Variants in SCML4 observed in about 807,000 individuals in gnomAD.
The protein encoded by SCML4 is Scm polycomb group protein like 4, also known as sex comb on midleg-like protein 4.
Under a neutral mutation model 41.1 loss-of-function variants are expected in SCML4, and 34 were observed. That is an observed-to-expected ratio of 0.83 (90% CI 0.63 to 1.10). The LOEUF is 1.10. Among genes scored for constraint, SCML4 ranks in the 50% least tolerant of loss-of-function variants. SCML4 has a pLI of 0.00. For missense variants in SCML4, 522 were observed against 534.1 expected, an observed-to-expected ratio of 0.98 and a Z score of 0.22; for synonymous variants, 214 against 220.9, an observed-to-expected ratio of 0.97 and a Z score of 0.28.
At chr6:107,813,715 G>A (rs1429710588) in intron 1 of SCML4, among the ~76,000 whole-genome samples, 1 of 152,150 alleles carries the variant, frequency 6.6e-6, no homozygotes, top group Non-Finnish European at 1.5e-5. Flanking sequence ...ATCAGTCGCT[G>A]CTTTAAAAAC....
upstream of SCML4, among the ~76,000 whole-genome samples, chr6:107,827,567 A>T (rs1289026830): frequency 6.6e-6 from 1 of 152,208 alleles, no homozygotes; most frequent in East Asian, 1.9e-4. Context: ...GTATTAGCTG[A>T]GGGACCTGCT....
intron 6 of SCML4, chr6:107,720,332 G>T (rs751876641): frequency 4.7e-5 from 45 of 957,808 alleles, no homozygotes; most frequent in Non-Finnish European, 5.4e-5. Context: ...GGGCATGAAG[G>T]CTGTAGAGGG....
At chr6:107,771,556 A>G (rs542648241) in intron 2 of SCML4, among the ~76,000 whole-genome samples, 1 of 152,322 alleles carries the variant, frequency 6.6e-6, no homozygotes, top group East Asian at 1.9e-4. Flanking sequence ...AATCACTGCT[A>G]ATTCTTATAA....
intron 2 of SCML4, among the ~76,000 whole-genome samples, chr6:107,767,140 T>C (rs986948895): frequency 1.3e-5 from 2 of 152,044 alleles, no homozygotes; most frequent in South Asian, 4.2e-4. Flanking sequence ...GTATTTTTAG[T>C]ACAGACGGGG....
At chr6:107,780,673 C>T (rs1437013224) in intron 1 of SCML4, among the ~76,000 whole-genome samples, 1 of 151,854 alleles carries the variant, frequency 6.6e-6, no homozygotes, top group Non-Finnish European at 1.5e-5. Flanking sequence ...CGTCACTGCA[C>T]TCCAGCCTAG....
intron 2 of SCML4, chr6:107,755,546 C>A: frequency 8.3e-7 from 1 of 1,210,016 alleles, no homozygotes; most frequent in South Asian, 1.4e-5. Context: ...TAGTGTGATG[C>A]AGGGCCCAGT....
At chr6:107,806,561 G>T (rs908469786) in intron 1 of SCML4, among the ~76,000 whole-genome samples, 1 of 152,194 alleles carries the variant, frequency 6.6e-6, no homozygotes, top group Non-Finnish European at 1.5e-5. Context: ...CCTCTGGTGG[G>T]CCCACTACTC....
intron 1 of SCML4, among the ~76,000 whole-genome samples, chr6:107,822,132 TA>T: frequency 6.6e-6 from 1 of 152,306 alleles, no homozygotes; most frequent in Admixed American, 6.5e-5. Context: ...TTTTAAAAAT[TA>T]AAAAAGTCTA....
chr6:107,775,005 A>G (rs936526491), intron 1 of SCML4, among the ~76,000 whole-genome samples: 22 of 152,196 alleles, frequency 1.4e-4, no homozygotes, highest in South Asian at 6.2e-4. Flanking sequence ...TAAAAAAAAA[A>G]AAAGAAAGAA....
intron 1 of SCML4, among the ~76,000 whole-genome samples, chr6:107,794,485 T>G (rs11153081): frequency 0.99 from 150,598 of 152,296 alleles, 74,482 homozygotes; most frequent in Middle Eastern, 1. Context: ...TAGCCAGTGA[T>G]TATGTACAGT....
rs900359765 is a variant in SCML4, at chr6:107,740,217, A to G, written c.682+4732T>C. 10 of 468,664 alleles carry G rather than the reference A, an allele frequency of 2.1e-5. No homozygotes were observed. In the Admixed American group the frequency reaches 2.4e-4, roughly 11 times the overall value. The allele number at this position is 468,664 out of a possible 1,614,324, so 29.0% of individuals were successfully genotyped here. On this transcript the variant is annotated intron_variant, in intron 5 of 7. Transcript: ENST00000369020. ...TCAGTTTTAGCTGAGCTGCAAGACA[A>G]CAGACACCATATACCACAATAAAGT...
At chr6:107,804,830 C>A (rs925515063) in intron 1 of SCML4, among the ~76,000 whole-genome samples, 3 of 152,072 alleles carry the variant, frequency 2.0e-5, no homozygotes, top group African/African-American at 7.2e-5. Context: ...ATTAGCCAGG[C>A]GTGATGGTGT....
rs1449843515 is a variant in SCML4 at position 107,702,396 on chromosome 6, T to C, written c.*2804A>G. The stretch of plus-strand genomic sequence containing the variant: ...TTTGACATTGTTTGGGGCTGATTTT[T>C]ATTTGAGAGCACCAATGTTTGTGAC... On this transcript the variant is annotated 3_prime_UTR_variant, in exon 8 of 8. Coordinates refer to ENST00000369020, the MANE Select transcript of SCML4 (RefSeq NM_198081.5). 7.9e-5 allele frequency among the ~76,000 whole-genome samples: 12 copies of C among 152,196 alleles called. No individual in the cohort carries two copies. The highest frequency in any genetic ancestry group is 6.5e-4 in the Admixed American group (10 of 15,280).
At chr6:107,802,804 G>A (rs2114637618) in intron 1 of SCML4, among the ~76,000 whole-genome samples, 1 of 150,150 alleles carries the variant, frequency 6.7e-6, no homozygotes, top group Admixed American at 6.6e-5. Flanking sequence ...GCCAAAGCTG[G>A]ACTGTACTGC....
At position 107,823,257 on chromosome 6, in the gene SCML4, C is replaced by T. The variant is rs1269527594; in HGVS notation, c.-60+869G>A. 3.2e-4 allele frequency among the ~76,000 whole-genome samples: 49 copies of T among 152,160 alleles called. 1 individual carries two copies. Among genetic ancestry groups the T allele is most frequent in the Admixed American group, 2.9e-3 (44 of 15,278 alleles). On this transcript the variant is annotated intron_variant, in intron 1 of 7. Transcript: ENST00000369020. Reference sequence around the variant, plus strand: ...AGAGACAACACGAGGAGACACCTCTCGTTCACGATCACAGATAGTGGAAAG... The same window carrying T: ...AGAGACAACACGAGGAGACACCTCTTGTTCACGATCACAGATAGTGGAAAG...
the SCML4 span, among the ~76,000 whole-genome samples, chr6:107,843,657 G>A: frequency 6.6e-6 from 1 of 152,208 alleles, no homozygotes; most frequent in Admixed American, 6.5e-5. Context: ...ATCGCCCACA[G>A]GCCCTGCAGA....
chr6:107,757,577 G>A (rs1779218744), intron 2 of SCML4, among the ~76,000 whole-genome samples: 1 of 152,182 alleles, frequency 6.6e-6, no homozygotes, highest in Non-Finnish European at 1.5e-5. Flanking sequence ...TGGATTGAAT[G>A]TCCAGCGTGG....
chr6:107,719,259 C>G (rs1168515065), intron 6 of SCML4: 2 of 152,390 alleles, frequency 1.3e-5, no homozygotes, highest in Non-Finnish European at 2.9e-5. Context: ...CTGCGCTCTA[C>G]CCCTCAGAAC....
chr6:107,729,715 A>G (rs1776349871), intron 5 of SCML4, among the ~76,000 whole-genome samples: 1 of 152,254 alleles, frequency 6.6e-6, no homozygotes, highest in South Asian at 2.1e-4. Context: ...AGTTAATGTA[A>G]AGGAATATCT....
Sources: allele counts gnomAD v4.1 joint callset (sites outside exome capture counted in the v4.1 genomes callset), GRCh38; gene constraint gnomAD v4.1.1; transcripts MANE v1.5; gene names NCBI Gene and HGNC (gene_info 2026-07-23, HGNC 2026-07-21).